The following SPOCK3 variants were observed in gnomAD, a reference collection of about 807,000 sequenced individuals.
SPOCK3 encodes testican-3.
A neutral mutation model predicts 56.6 loss-of-function variants in SPOCK3; 30 were observed. The ratio of observed to expected loss-of-function variants is 0.53; its 90% CI spans 0.40 to 0.72. The LOEUF (loss-of-function observed/expected upper bound fraction) is 0.72, where lower values mean the gene tolerates loss of function less well. SPOCK3 is among the 30% of genes least tolerant of loss of function. The pLI, the probability that SPOCK3 is intolerant of heterozygous loss-of-function variation, is 0.00. For missense variants in SPOCK3, 527 were observed against 530.0 expected, an observed-to-expected ratio of 0.99 and a Z score of 0.06; for synonymous variants, 196 against 183.3, an observed-to-expected ratio of 1.07 and a Z score of -0.56.
At chr4:167,205,526 A>T (rs568112776) in intron 2 of SPOCK3, among the ~76,000 whole-genome samples, 1,530 of 57,004 alleles carry the variant, frequency 0.027, 33 homozygotes, top group Non-Finnish European at 0.036. Flanking sequence ...TATTATATAT[A>T]TTATTATATA....
At chr4:166,972,129 C>T (rs1579852245) in intron 4 of SPOCK3, among the ~76,000 whole-genome samples, 1 of 152,262 alleles carries the variant, frequency 6.6e-6, no homozygotes, top group Non-Finnish European at 1.5e-5. Context: ...TGCATCACTT[C>T]CTGTGCAAAC....
intron 2 of SPOCK3, among the ~76,000 whole-genome samples, chr4:167,227,239 C>A (rs988930456): frequency 6.6e-6 from 1 of 152,002 alleles, no homozygotes; most frequent in East Asian, 1.9e-4. Context: ...AGCTTAGACA[C>A]GGCATTTCTA....
intron 2 of SPOCK3, among the ~76,000 whole-genome samples, chr4:167,106,979 C>T (rs1271135243): frequency 1.3e-5 from 2 of 151,764 alleles, no homozygotes; most frequent in South Asian, 2.1e-4. Flanking sequence ...CCTGAACAGA[C>T]CAATAACAAC....
intron 2 of SPOCK3, among the ~76,000 whole-genome samples, chr4:167,211,583 G>T (rs191591402): frequency 5.3e-5 from 8 of 152,232 alleles, no homozygotes; most frequent in Non-Finnish European, 5.9e-5. Context: ...TAGTGTATAA[G>T]TTTCATGAGA....
intron 2 of SPOCK3, among the ~76,000 whole-genome samples, chr4:167,224,258 ATAGT>A (rs1414744427): frequency 6.6e-6 from 1 of 152,098 alleles, no homozygotes; most frequent in African/African-American, 2.4e-5. Flanking sequence ...CTTAATTACC[ATAGT>A]TAGCTGGAAT....
Position 167,191,011 on chromosome 4 carries a change from C to T in SPOCK3, c.189+42974G>A, listed in dbSNP as rs1251766679. Among the ~76,000 whole-genome samples the T allele has an allele frequency of 2.7e-5, 4 of 145,520 alleles. 1 individual carries two copies. Among genetic ancestry groups the T allele is most frequent in the African/African-American group, 7.9e-5 (3 of 38,158 alleles). On this transcript the variant is annotated intron_variant, in intron 2 of 10. Transcript: ENST00000357545. ...GTTTTTATGCCAGAACATACTGTTT[C>T]GATTACTATAGCTTTGCTTTGTAGT... is the stretch of plus-strand genomic sequence containing the variant.
chr4:167,141,857 C>T (rs552511416), intron 2 of SPOCK3, among the ~76,000 whole-genome samples: 9 of 151,806 alleles, frequency 5.9e-5, no homozygotes, highest in Middle Eastern at 3.2e-3. Context: ...GAACCCAGCA[C>T]AACAGATTGA....
intron 6 of SPOCK3, among the ~76,000 whole-genome samples, chr4:166,851,104 C>A (rs981533732): frequency 6.6e-6 from 1 of 152,098 alleles, no homozygotes; most frequent in African/African-American, 2.4e-5. Flanking sequence ...GTTCTCCCAG[C>A]ACGCAGCTGG....
intron 5 of SPOCK3, among the ~76,000 whole-genome samples, chr4:166,892,889 G>A (rs561602382): frequency 3.7e-4 from 56 of 152,174 alleles, no homozygotes; most frequent in African/African-American, 1.3e-3. Context: ...ATATGAAAAA[G>A]AGCCCAACCT....
intron 2 of SPOCK3, among the ~76,000 whole-genome samples, chr4:167,131,125 C>T (rs898662186): frequency 5.3e-5 from 8 of 151,954 alleles, no homozygotes; most frequent in Non-Finnish European, 1.0e-4. Context: ...CACACCGAGA[C>T]ATGAACAAGA....
chr4:166,822,062 T>G (rs1744992884), intron 6 of SPOCK3, among the ~76,000 whole-genome samples: 1 of 152,042 alleles, frequency 6.6e-6, no homozygotes. Flanking sequence ...ATTTCTGTCT[T>G]TTTTTAAACG....
At position 166,734,072 on chromosome 4, in the gene SPOCK3, G is replaced by A. The variant is rs1169517678; in HGVS notation, c.*849C>T. The A allele has an allele frequency of 1.3e-5, 2 of 151,808 alleles. No individual in the cohort carries two copies. Among genetic ancestry groups the A allele is most frequent in the Non-Finnish European group, 3.0e-5 (2 of 67,716 alleles). 9.4% of individuals were successfully genotyped at this position (151,808 alleles called of 1,614,324 possible). The stretch of plus-strand genomic sequence containing the variant: ...ATTAAGAATTTAAAATTTGACCTTG[G>A]GGCAAATGACAAACTTTGTAAAAAT... On this transcript the variant is annotated 3_prime_UTR_variant, in exon 11 of 11. Transcript: ENST00000357545.
intron 4 of SPOCK3, among the ~76,000 whole-genome samples, chr4:166,972,860 C>T (rs1745538025): frequency 2.6e-5 from 4 of 151,924 alleles, no homozygotes; most frequent in African/African-American, 9.7e-5. Flanking sequence ...AAAACTGAAT[C>T]AAATTACACT....
intron 8 of SPOCK3, among the ~76,000 whole-genome samples, chr4:166,742,723 A>G (rs1735021527): frequency 6.6e-6 from 1 of 152,196 alleles, no homozygotes; most frequent in African/African-American, 2.4e-5. Flanking sequence ...TTATTTTAAA[A>G]ATAAGCTGAA....
chr4:166,807,222 A>C (rs991185638), intron 6 of SPOCK3, among the ~76,000 whole-genome samples: 3 of 151,918 alleles, frequency 2.0e-5, no homozygotes, highest in South Asian at 2.1e-4. Flanking sequence ...GAGGTGATGC[A>C]GCTGGCTTGG....
At chr4:166,876,956 G>T (rs1208610456) in intron 6 of SPOCK3, among the ~76,000 whole-genome samples, 1 of 151,982 alleles carries the variant, frequency 6.6e-6, no homozygotes, top group East Asian at 1.9e-4. Flanking sequence ...GAAGTTTGGG[G>T]TAGAGAAATA....
chr4:166,819,725 C>A (rs750400194), intron 6 of SPOCK3, among the ~76,000 whole-genome samples: 1 of 151,548 alleles, frequency 6.6e-6, no homozygotes, highest in Middle Eastern at 3.4e-3. Flanking sequence ...TTGAGAGATA[C>A]CACATTCATG....
intron 6 of SPOCK3, among the ~76,000 whole-genome samples, chr4:166,887,273 C>A (rs1424174899): frequency 1.3e-5 from 2 of 152,072 alleles, no homozygotes; most frequent in African/African-American, 2.4e-5. Context: ...AGTTTAAAAG[C>A]GGGAAATCTC....
At chr4:167,152,739 C>T (rs1764523939) in intron 2 of SPOCK3, among the ~76,000 whole-genome samples, 1 of 152,128 alleles carries the variant, frequency 6.6e-6, no homozygotes, top group African/African-American at 2.4e-5. Flanking sequence ...TTCAACAAAA[C>T]AAATAAATGA....
Sources: gnomAD v4.1 joint callset for allele counts (sites outside exome capture counted in the v4.1 genomes callset) on GRCh38, gnomAD v4.1.1 for gene constraint, MANE v1.5 for transcripts, NCBI Gene and HGNC (gene_info 2026-07-23, HGNC 2026-07-21) for gene names.